The following CPNE4 variants were observed in gnomAD, a reference collection of about 807,000 sequenced individuals.
CPNE4 encodes the protein copine 4.
A neutral mutation model predicts 67.9 loss-of-function variants in CPNE4; 25 were observed. That is an observed-to-expected ratio of 0.37 (90% CI 0.27 to 0.51). The LOEUF (loss-of-function observed/expected upper bound fraction) is 0.51, where lower values mean the gene tolerates loss of function less well. Ranked by LOEUF, CPNE4 falls within the 20% of genes least tolerant of loss-of-function variation. The pLI is 0.93. For missense variants in CPNE4, 464 were observed against 690.8 expected (o/e 0.67, Z 3.68); for synonymous variants, 242 against 244.9 (o/e 0.99, Z 0.11).
intron 2 of CPNE4, among the ~76,000 whole-genome samples, chr3:131,799,919 T>TTGTG (rs3070292): frequency 6.9e-6 from 1 of 145,582 alleles, no homozygotes; most frequent in African/African-American, 2.6e-5. Context: ...TGTGTGTGTG[T>TTGTG]TGTGTGTGTG....
chr3:131,569,279 T>C (rs1039357997), intron 10 of CPNE4, among the ~76,000 whole-genome samples: 2 of 151,888 alleles, frequency 1.3e-5, no homozygotes, highest in African/African-American at 4.8e-5. Context: ...AAATAAAGAT[T>C]TAAAAATGTA....
chr3:132,011,043 G>A (rs1046866043), intron 1 of CPNE4, among the ~76,000 whole-genome samples: 2 of 152,120 alleles, frequency 1.3e-5, no homozygotes, highest in African/African-American at 2.4e-5. Context: ...CATCTCCTCT[G>A]TTTTTCTTAG....
At chr3:131,928,113 G>A (rs1248109169) in intron 1 of CPNE4, among the ~76,000 whole-genome samples, 1 of 152,050 alleles carries the variant, frequency 6.6e-6, no homozygotes, top group African/African-American at 2.4e-5. Flanking sequence ...GGTTTTTAAT[G>A]AACATGCATA....
At chr3:131,966,248 T>TA (rs1158647403) in intron 1 of CPNE4, among the ~76,000 whole-genome samples, 1 of 152,174 alleles carries the variant, frequency 6.6e-6, no homozygotes, top group African/African-American at 2.4e-5. Flanking sequence ...TTTATAGCAC[T>TA]AAATGCCCAC....
chr3:132,008,333 G>T (rs756923779), intron 1 of CPNE4, among the ~76,000 whole-genome samples: 1 of 152,146 alleles, frequency 6.6e-6, no homozygotes, highest in Non-Finnish European at 1.5e-5. Context: ...AGGTTCATAT[G>T]AAGATATTGT....
At chr3:131,686,072 G>C in intron 5 of CPNE4, 114 bp from the exon 6 acceptor site, 1 of 636,484 alleles carries the variant, frequency 1.6e-6, no homozygotes, top group Non-Finnish European at 2.8e-6. Context: ...TTTTTTATAT[G>C]TGGAAGGGAG....
At chr3:131,875,178 G>A (rs919105193) in intron 2 of CPNE4, among the ~76,000 whole-genome samples, 4 of 151,962 alleles carry the variant, frequency 2.6e-5, no homozygotes, top group Non-Finnish European at 4.4e-5. Flanking sequence ...TTTATAGCAT[G>A]AGGCATTTGT....
At chr3:131,561,359 G>C (rs113525228) in intron 11 of CPNE4, among the ~76,000 whole-genome samples, 39 of 151,830 alleles carry the variant, frequency 2.6e-4, no homozygotes, top group African/African-American at 8.7e-4. Flanking sequence ...GTGTGTGTGC[G>C]CACATACATG....
intron 7 of CPNE4, among the ~76,000 whole-genome samples, chr3:131,652,900 G>C (rs934716619): frequency 6.6e-6 from 1 of 152,178 alleles, no homozygotes; most frequent in Non-Finnish European, 1.5e-5. Flanking sequence ...ACTGCCCACT[G>C]TATAGTCTGT....
At chr3:131,693,126 CAAATT>C (rs1218982426) in intron 5 of CPNE4, among the ~76,000 whole-genome samples, 1 of 152,112 alleles carries the variant, frequency 6.6e-6, no homozygotes, top group African/African-American at 2.4e-5. Context: ...TGTTGAAAGA[CAAATT>C]AAAAATGACT....
At chr3:131,878,454 C>A (rs185541392) in intron 2 of CPNE4, among the ~76,000 whole-genome samples, 1 of 152,120 alleles carries the variant, frequency 6.6e-6, no homozygotes, top group Non-Finnish European at 1.5e-5. Context: ...AGAGTGGTTA[C>A]TCCTGGCACA....
At chr3:131,546,129 TA>T (rs1380132535) in intron 14 of CPNE4, among the ~76,000 whole-genome samples, 1 of 152,104 alleles carries the variant, frequency 6.6e-6, no homozygotes, top group African/African-American at 2.4e-5. Flanking sequence ...CTATGAACTT[TA>T]TCAGCTGCTA....
chr3:131,872,005 C>A (rs1458128869), intron 2 of CPNE4, among the ~76,000 whole-genome samples: 1 of 152,116 alleles, frequency 6.6e-6, no homozygotes. Context: ...TACCATGACA[C>A]TGACACGTCT....
rs373718712 is a variant in CPNE4, at chr3:131,846,822, C to T, written c.180+58442G>A. On this transcript the variant is annotated intron_variant, in intron 2 of 15. Coordinates refer to ENST00000429747, the MANE Select transcript of CPNE4 (RefSeq NM_130808.3). ...AGCATCGAGATTTTACATTCAGTTC[C>T]ATAAGCTGAACCTACATGTGGCTGC... is the stretch of plus-strand genomic sequence containing the variant. Among the ~76,000 whole-genome samples the T allele has an allele frequency of 2.6e-5, 4 of 152,266 alleles. No homozygotes were observed. In the East Asian group the frequency reaches 7.7e-4, roughly 29 times the overall value.
chr3:131,568,997 G>A (rs899588334), intron 10 of CPNE4, among the ~76,000 whole-genome samples: 1 of 152,000 alleles, frequency 6.6e-6, no homozygotes, highest in African/African-American at 2.4e-5. Flanking sequence ...CCTTGTAGGT[G>A]AACATACTGT....
chr3:131,665,660 A>AAAAC (rs145982956), intron 7 of CPNE4, among the ~76,000 whole-genome samples: 4,712 of 148,644 alleles, frequency 0.032, 185 homozygotes, highest in African/African-American at 0.093. Context: ...GTCCATCTCA[A>AAAAC]AAACAAACAA....
At chr3:131,640,234 T>C (rs1264933686) in intron 7 of CPNE4, among the ~76,000 whole-genome samples, 1 of 152,116 alleles carries the variant, frequency 6.6e-6, no homozygotes, top group Non-Finnish European at 1.5e-5. Context: ...TGTTTGCAGA[T>C]GATATGATTG....
chr3:131,758,407 CTTGTT>C (rs1560253024), intron 2 of CPNE4, among the ~76,000 whole-genome samples: 2 of 152,126 alleles, frequency 1.3e-5, no homozygotes, highest in African/African-American at 4.8e-5. Flanking sequence ...CCTGTAACGT[CTTGTT>C]TTGGCCAATT....
intron 1 of CPNE4, among the ~76,000 whole-genome samples, chr3:131,940,064 T>C (rs532108882): frequency 1.3e-5 from 2 of 152,228 alleles, no homozygotes; most frequent in Admixed American, 6.6e-5. Flanking sequence ...TTTGTGTATG[T>C]GCTCTAACCC....
Sources: gnomAD v4.1 joint callset for allele counts (sites outside exome capture counted in the v4.1 genomes callset) on GRCh38, gnomAD v4.1.1 for gene constraint, MANE v1.5 for transcripts, NCBI Gene and HGNC (gene_info 2026-07-23, HGNC 2026-07-21) for gene names.